THAP4: variants seen among roughly 807,000 people sequenced by gnomAD.
THAP4 encodes THAP domain containing 4.
Under a neutral mutation model 48.1 loss-of-function variants are expected in THAP4, and 18 were observed. The observed-to-expected ratio is 0.37, with a 90% CI of 0.26 to 0.56. The LOEUF (loss-of-function observed/expected upper bound fraction) is 0.56. THAP4 is among the 20% of genes least tolerant of loss of function. The pLI, the probability that THAP4 is intolerant of heterozygous loss-of-function variation, is 0.78. For missense variants in THAP4, 656 were observed against 774.9 expected, an observed-to-expected ratio of 0.85 and a Z score of 1.82; for synonymous variants, 345 against 324.9, an observed-to-expected ratio of 1.06 and a Z score of -0.66.
chr2:241,603,100 G>C, intron 3 of THAP4, 21 bp from the exon 4 acceptor site: 1 of 1,598,224 alleles, frequency 6.3e-7, no homozygotes, highest in Non-Finnish European at 8.6e-7. Context: ...AGTTGGAGTT[G>C]AGAAGCCCAG....
chr2:241,637,323 G>A, upstream of THAP4: 1 of 1,248,352 alleles, frequency 8.0e-7, no homozygotes, highest in Non-Finnish European at 1.0e-6. Flanking sequence ...GGCGGGGCAA[G>A]TCCGTACCGC....
intron 2 of THAP4, among the ~76,000 whole-genome samples, chr2:241,624,568 G>A (rs931591836): frequency 6.6e-6 from 1 of 152,090 alleles, no homozygotes; most frequent in Non-Finnish European, 1.5e-5. Flanking sequence ...AGGGGCGTCT[G>A]TCCCTGTGGA....
chr2:241,633,431 A>G lies in THAP4; in HGVS notation c.726T>C (p.Ser242=), dbSNP rs3208142. ...IGSLHSYSFS[S]KHTRERPSVP... is the part of the protein sequence containing the mutation. ...CAGATGGCCTTTCTCGGGTGTGCTT[A>G]GAGGAGAAACTGTACGAATGAAGTG... Residue 242 remains serine (S), a synonymous_variant, in exon 2 of 6, where the codon TCT becomes TCC. Transcript: ENST00000407315. This position sits in a 1 kb window ranked among gnomAD's most constrained non-coding sequence, Gnocchi z 7.5. The G allele has an allele frequency of 0.32, 508,254 of 1,613,334 alleles. 84,145 individuals are homozygous for G. Among genetic ancestry groups the G allele is most frequent in the East Asian group, 0.59 (26,235 of 44,812 alleles).
At position 241,633,065 on chromosome 2, in the gene THAP4, C is replaced by T. The variant is rs1419584953; in HGVS notation, c.1092G>A (p.Glu364=). The change falls in exon 2 of 6, where the codon GAG becomes GAA. Residue 364 remains glutamate, a synonymous_variant. Coordinates refer to ENST00000407315, the MANE Select transcript of THAP4 (RefSeq NM_015963.6). The surrounding 1 kb of genome is among the most constrained non-coding windows in gnomAD (Gnocchi z 7.5). Reference sequence around the variant, plus strand: ...GCTCGCCGTTCTTCTTCTCCACCTGCTCCCGCAGGCAGCACACCTGGCTCT... The same window carrying T: ...GCTCGCCGTTCTTCTTCTCCACCTGTTCCCGCAGGCAGCACACCTGGCTCT... ...QNKSQVCCLR[E]QVEKKNGELK... The T allele has an allele frequency of 2.5e-6, 4 of 1,613,882 alleles. No individual in the cohort carries two copies. Among genetic ancestry groups the T allele is most frequent in the Non-Finnish European group, 3.4e-6 (4 of 1,180,034 alleles).
At chr2:241,592,882 A>G (rs1364427344) in intron 5 of THAP4, among the ~76,000 whole-genome samples, 3 of 152,196 alleles carry the variant, frequency 2.0e-5, no homozygotes, top group African/African-American at 7.2e-5. Flanking sequence ...TGTACGGGGA[A>G]AAAGGGAAAA....
At chr2:241,602,350 G>A (rs62193014) in intron 4 of THAP4, among the ~76,000 whole-genome samples, 32,716 of 150,886 alleles carry the variant, frequency 0.22, 3,625 homozygotes, top group African/African-American at 0.26. Context: ...CTAGAGTCAC[G>A]CAGGCTGGTT....
chr2:241,631,920 C>CA (rs1373454229), intron 2 of THAP4, among the ~76,000 whole-genome samples: 1 of 145,298 alleles, frequency 6.9e-6, no homozygotes, highest in Non-Finnish European at 1.5e-5. Context: ...TCTTTTGAGA[C>CA]AGAGTTGTGC....
chr2:241,633,825 C>T lies in THAP4; in HGVS notation c.332G>A (p.Gly111Asp). 1 of 1,613,574 alleles carries T rather than the reference C, an allele frequency of 6.2e-7. No homozygotes were observed. Among genetic ancestry groups the T allele is most frequent in the Non-Finnish European group, 8.5e-7 (1 of 1,179,576 alleles). Residue 111 changes from glycine (G) to aspartate (D), a missense_variant, in exon 2 of 6, where the codon GGT becomes GAT. Physicochemically the swap from Gly to Asp is moderately conservative, Grantham distance 94. Transcript: ENST00000407315. The surrounding 1 kb of genome is among the most constrained non-coding windows in gnomAD (Gnocchi z 7.5). The stretch of plus-strand genomic sequence containing the variant: ...GGCGGCACTCGAGTGTCCCCTCACA[C>T]CCCCTGTGGCCTTGCTGGCATCTTT... ...RRKDASKATG[G>D]VRGHSSAATS...
At chr2:241,611,743 A>T (rs1424515590) in intron 2 of THAP4, among the ~76,000 whole-genome samples, 6 of 146,308 alleles carry the variant, frequency 4.1e-5, no homozygotes, top group South Asian at 2.2e-4. Flanking sequence ...AAAAAAAAAA[A>T]TTAAGAAAGA....
chr2:241,622,717 A>T lies in THAP4; in HGVS notation c.1240+10200T>A, dbSNP rs2067446668. The stretch of plus-strand genomic sequence containing the variant: ...GGGGCTCAAGCGATCCTCCTACCTC[A>T]GCCTCCTGTGAAGCTGGGACTACAG... On this transcript the variant is annotated intron_variant, in intron 2 of 5. Transcript: ENST00000407315. Among the ~76,000 whole-genome samples, 3 of 152,038 alleles carry T rather than the reference A, an allele frequency of 2.0e-5. No individual in the cohort carries two copies. In the South Asian group the frequency reaches 6.2e-4, roughly 32 times the overall value.
Position 241,635,622 on chromosome 2 carries a change from TAGAC to T in THAP4, c.77+1315_77+1318del, listed in dbSNP as rs1035844851. On this transcript the variant is annotated intron_variant, in intron 1 of 5. Transcript: ENST00000407315. ...GTCTCTACTAAAAATACAAAAAAAT[TAGAC>T]AGGCGTGGTGGCGCTTGCCTGTAAT... Among the ~76,000 whole-genome samples the T allele has an allele frequency of 5.9e-5, 9 of 151,752 alleles. No individual in the cohort carries two copies. In the South Asian group the frequency reaches 1.5e-3, roughly 25 times the overall value.
chr2:241,623,385 G>C (rs533942428), intron 2 of THAP4, among the ~76,000 whole-genome samples: 1 of 152,144 alleles, frequency 6.6e-6, no homozygotes, highest in African/African-American at 2.4e-5. Flanking sequence ...TTCCAGACCA[G>C]CTTGGGCAAC....
At chr2:241,637,511 G>T, upstream of THAP4, 1 of 1,438,352 alleles carries the variant, frequency 7.0e-7, no homozygotes. Context: ...ACGACCCCAT[G>T]CCGCCCGCAG....
At chr2:241,635,612 A>C (rs2067627174) in intron 1 of THAP4, among the ~76,000 whole-genome samples, 1 of 152,106 alleles carries the variant, frequency 6.6e-6, no homozygotes, top group Admixed American at 6.5e-5. Flanking sequence ...TACTAAAAAT[A>C]CAAAAAAATT....
chr2:241,620,187 G>C (rs1224293743), intron 2 of THAP4, among the ~76,000 whole-genome samples: 1 of 81,590 alleles, frequency 1.2e-5, no homozygotes. Context: ...GAGTCGGTGA[G>C]TGAGGGGTGA....
intron 2 of THAP4, among the ~76,000 whole-genome samples, chr2:241,624,648 T>A (rs2067474204): frequency 6.6e-6 from 1 of 152,204 alleles, no homozygotes; most frequent in African/African-American, 2.4e-5. Flanking sequence ...CCAAATTCTG[T>A]AGTTCTGAAG....
intron 3 of THAP4, 89 bp from the exon 4 acceptor site, chr2:241,603,168 T>G: frequency 9.8e-7 from 1 of 1,025,504 alleles, no homozygotes; most frequent in East Asian, 2.5e-5. Flanking sequence ...CAGGGTGCCC[T>G]CCAGGTGGCT....
intron 5 of THAP4, among the ~76,000 whole-genome samples, chr2:241,600,727 CAA>C (rs35546566): frequency 1.1e-4 from 10 of 88,752 alleles, no homozygotes; most frequent in Admixed American, 2.4e-4. Flanking sequence ...GACTCCGTCT[CAA>C]AAAAAAAAAA....
At chr2:241,598,757 CAGCTTCAAG>C (rs1277888863) in intron 5 of THAP4, among the ~76,000 whole-genome samples, 9 of 152,104 alleles carry the variant, frequency 5.9e-5, no homozygotes, top group Non-Finnish European at 1.3e-4. Flanking sequence ...ACTGCATTAA[CAGCTTCAAG>C]AGGAAGACAA....
Sources: allele counts gnomAD v4.1 joint callset (sites outside exome capture counted in the v4.1 genomes callset), GRCh38; gene constraint gnomAD v4.1.1; non-coding constraint Gnocchi (gnomAD v3.1); transcripts MANE v1.5; gene names NCBI Gene and HGNC (gene_info 2026-07-23, HGNC 2026-07-21).